Variants in AQR observed in about 807,000 individuals in gnomAD.
AQR encodes the protein aquarius intron-binding spliceosomal factor, also known as RNA helicase aquarius.
A neutral mutation model predicts 180.5 loss-of-function variants in AQR; 61 were observed. The observed-to-expected ratio is 0.34, with a 90% CI of 0.28 to 0.42. The LOEUF is 0.42. Ranked by LOEUF, AQR falls within the 10% of genes least tolerant of loss-of-function variation. AQR has a pLI of 1.00. For synonymous variants in AQR, 551 were observed against 588.8 expected (o/e 0.94, Z 0.93); for missense variants, 1,281 against 1,798.3 (o/e 0.71, Z 5.20).
intron 1 of AQR, among the ~76,000 whole-genome samples, chr15:34,966,256 T>C (rs879665905): frequency 6.6e-6 from 1 of 152,240 alleles, no homozygotes; most frequent in Non-Finnish European, 1.5e-5. Flanking sequence ...CTTGATCTCA[T>C]TCATTCAATA....
At chr15:34,946,904 G>A (rs1487554417) in intron 5 of AQR, among the ~76,000 whole-genome samples, 4 of 148,260 alleles carry the variant, frequency 2.7e-5, no homozygotes, top group African/African-American at 1.0e-4. Context: ...TCAGCCCCCC[G>A]TCCGGCCAGC....
intron 10 of AQR, among the ~76,000 whole-genome samples, chr15:34,933,213 T>C (rs1416205926): frequency 6.6e-6 from 1 of 152,026 alleles, no homozygotes; most frequent in Non-Finnish European, 1.5e-5. Context: ...GATGAAGTTA[T>C]TGAGATCCTC....
At chr15:34,879,152 T>C (rs1892931153) in intron 27 of AQR, among the ~76,000 whole-genome samples, 1 of 152,110 alleles carries the variant, frequency 6.6e-6, no homozygotes, top group Admixed American at 6.6e-5. Flanking sequence ...AAATAACACT[T>C]GACATTATAT....
chr15:34,927,533 G>A (rs1893782612), intron 12 of AQR, among the ~76,000 whole-genome samples: 2 of 152,206 alleles, frequency 1.3e-5, no homozygotes, highest in African/African-American at 2.4e-5. Flanking sequence ...TGGAAGGAGA[G>A]ACCAAAAAAC....
intron 25 of AQR, among the ~76,000 whole-genome samples, chr15:34,885,714 T>C (rs919209225): frequency 6.6e-6 from 1 of 152,152 alleles, no homozygotes; most frequent in African/African-American, 2.4e-5. Flanking sequence ...TCCTAAACAG[T>C]CTTGAATCTA....
In AQR at chr15:34,856,067, G is replaced by A. The variant is rs1314347670; in HGVS notation, c.*725C>T. The A allele has an allele frequency of 6.5e-6, 1 of 152,690 alleles. No individual in the cohort carries two copies. The highest frequency in any genetic ancestry group is 6.5e-5 in the Admixed American group (1 of 15,298). The allele number at this position is 152,690 out of a possible 1,614,324, so 9.5% of individuals were successfully genotyped here. On this transcript the variant is annotated 3_prime_UTR_variant, in exon 35 of 35. Transcript: ENST00000156471. ...GGCAGAGTCCTCCTATTTAGCTGAT[G>A]ACAAATCCTGGCTCAGCCTAACCAG...
chr15:34,958,326 A>G (rs954876240), intron 3 of AQR, among the ~76,000 whole-genome samples: 1 of 152,196 alleles, frequency 6.6e-6, no homozygotes, highest in African/African-American at 2.4e-5. Context: ...CAGCCTGGGC[A>G]ACATGGAGAA....
intron 1 of AQR, among the ~76,000 whole-genome samples, chr15:34,965,136 C>T (rs2050303713): frequency 6.6e-6 from 1 of 152,156 alleles, no homozygotes; most frequent in Non-Finnish European, 1.5e-5. Context: ...CAATTGCTTT[C>T]TCCTTCTCTT....
chr15:34,859,055 T>C (rs528728881), intron 34 of AQR, among the ~76,000 whole-genome samples: 14 of 152,300 alleles, frequency 9.2e-5, no homozygotes, highest in African/African-American at 3.4e-4. Flanking sequence ...AAGAACACTT[T>C]GATACATTGA....
intron 5 of AQR, among the ~76,000 whole-genome samples, chr15:34,947,754 A>C (rs7170737): frequency 0.75 from 113,746 of 151,754 alleles, 43,614 homozygotes; most frequent in Middle Eastern, 0.85. Context: ...GTCCTCTTGC[A>C]TCAATCTCCC....
rs917756710 is a variant in AQR, at chr15:34,882,493, A to C, written c.3165+9T>G. The C allele has an allele frequency of 2.6e-6, 4 of 1,519,482 alleles. No homozygotes were observed. Among genetic ancestry groups the C allele is most frequent in the Non-Finnish European group, 1.8e-6 (2 of 1,135,934 alleles). The allele number at this position is 1,519,482 out of a possible 1,614,324, so 94.1% of individuals were successfully genotyped here. Reference sequence around the variant, plus strand: ...AAAAAAAAAAAAAAAAACTACCATAAGTCTTTACCTTGAAACCTAGCTTGA... The same window carrying C: ...AAAAAAAAAAAAAAAAACTACCATACGTCTTTACCTTGAAACCTAGCTTGA... On this transcript the variant is annotated intron_variant, in intron 27 of 34. Transcript: ENST00000156471.
At chr15:34,882,697 C>A in intron 26 of AQR, 58 bp from the exon 27 acceptor site, 1 of 1,419,292 alleles carries the variant, frequency 7.0e-7, no homozygotes, top group East Asian at 2.4e-5. Context: ...TTGCACATAA[C>A]CATACAATCC....
chr15:34,910,443 T>A, intron 16 of AQR, 130 bp from the exon 17 acceptor site: 1 of 988,012 alleles, frequency 1.0e-6, no homozygotes, highest in Non-Finnish European at 1.4e-6. Flanking sequence ...AACTCTTATT[T>A]CTTAACTTAA....
In AQR at chr15:34,942,059, G is replaced by A; in HGVS notation, c.493C>T (p.Gln165Ter). Residue 165 changes from glutamine to a stop codon, truncating the protein, a stop_gained, in exon 7 of 35, where the codon CAA (glutamine) becomes TAA (stop). Coordinates refer to ENST00000156471, the MANE Select transcript of AQR (RefSeq NM_014691.3). LOFTEE classifies it high-confidence loss of function. ...GGGAGGGAGATAAGCTGCTGTACTT[G>A]ACTTCGTATCAAGTCTACTTCCTGT... Reference protein sequence around the residue: ...NSLEVDLIRSQVQQLISLPMW... With the variant: ...NSLEVDLIRS 1 of 1,612,410 alleles carries A rather than the reference G, an allele frequency of 6.2e-7. No homozygotes were observed.
intron 17 of AQR, among the ~76,000 whole-genome samples, chr15:34,909,466 T>C (rs564577033): frequency 1.1e-4 from 17 of 152,350 alleles, no homozygotes; most frequent in African/African-American, 3.6e-4. Context: ...CTAGCAAAAA[T>C]AGGAGGAATA....
At position 34,856,971 on chromosome 15, in the gene AQR, G is replaced by T. The variant is rs769072924; in HGVS notation, c.4279C>A (p.Arg1427Ser). Residue 1427 changes from arginine (R) to serine (S), a missense_variant, in exon 35 of 35, where the codon CGT becomes AGT. Transcript: ENST00000156471. ...GTTTGAAAGGCTGGAGTTTCTTGAC[G>T]GCAGCTGGTGTCTGTTGGACTGGGT... ...IIPSPTDTSC[R>S]QETPAFQTDT... 1.2e-6 allele frequency: 2 copies of T among 1,614,060 alleles called. No individual in the cohort carries two copies. The highest frequency in any genetic ancestry group is 1.7e-5 in the Admixed American group (1 of 60,022).
chr15:34,953,118 A>G (rs905916184), intron 3 of AQR, among the ~76,000 whole-genome samples, 198 bp from the exon 4 acceptor site: 1 of 152,200 alleles, frequency 6.6e-6, no homozygotes, highest in Non-Finnish European at 1.5e-5. Context: ...ACTCAAATGG[A>G]AACACTTTGC....
rs569165832 is a variant in AQR at position 34,957,935 on chromosome 15, C to T, written c.173+2839G>A. The stretch of plus-strand genomic sequence containing the variant: ...TAAGAATAACATAGCGGTGGCCGGG[C>T]GCAGTGGCTCACGCCTGTAATCCCA... On this transcript the variant is annotated intron_variant, in intron 3 of 34. Coordinates refer to ENST00000156471, the MANE Select transcript of AQR (RefSeq NM_014691.3). Among the ~76,000 whole-genome samples, 178 of 152,194 alleles carry T rather than the reference C, an allele frequency of 1.2e-3. 1 individual carries two copies. The highest frequency in any genetic ancestry group is 4.1e-3 in the African/African-American group (170 of 41,552).
Position 34,893,647 on chromosome 15 carries a change from A to G in AQR, c.2571+16T>C, listed in dbSNP as rs766945819. On this transcript the variant is annotated intron_variant, in intron 23 of 34. Coordinates refer to ENST00000156471, the MANE Select transcript of AQR (RefSeq NM_014691.3). ...CACACACACACACACACACACACAC[A>G]CACACAGTCATTTACCTGATTGGAA... The G allele has an allele frequency of 6.3e-7, 1 of 1,585,806 alleles. No individual in the cohort carries two copies. The highest frequency in any genetic ancestry group is 1.1e-5 in the South Asian group (1 of 90,480).
Sources: allele counts gnomAD v4.1 joint callset (sites outside exome capture counted in the v4.1 genomes callset), GRCh38; gene constraint gnomAD v4.1.1; transcripts MANE v1.5; gene names NCBI Gene and HGNC (gene_info 2026-07-23, HGNC 2026-07-21).